Variants in PTPRF observed in about 807,000 individuals in gnomAD.
PTPRF encodes the protein receptor-type tyrosine-protein phosphatase F.
A neutral mutation model predicts 201.8 loss-of-function variants in PTPRF; 59 were observed. That is an observed-to-expected ratio of 0.29 (90% confidence interval 0.24 to 0.36). The LOEUF (loss-of-function observed/expected upper bound fraction) is 0.36, where lower values mean the gene tolerates loss of function less well. Ranked by LOEUF, PTPRF falls within the 10% of genes least tolerant of loss-of-function variation. The probability of loss-of-function intolerance (pLI) is 1.00; values close to 1 mark genes in which losing one functional copy is unlikely to be tolerated. For synonymous variants in PTPRF, 1,088 were observed against 1,089.7 expected, an observed-to-expected ratio of 1.00 and a Z score of 0.03; for missense variants, 2,132 against 2,690.5, an observed-to-expected ratio of 0.79 and a Z score of 4.59.
At chr1:43,569,219 G>GCCCCCCCCCCCCCCCCCCCC (rs11313129) in intron 5 of PTPRF, among the ~76,000 whole-genome samples, 6 of 137,840 alleles carry the variant, frequency 4.4e-5, no homozygotes, top group African/African-American at 1.1e-4. Flanking sequence ...CTCCCTGCTA[G>GCCCCCCCCCCCCCCCCCCCC]CCCCCCCCCC....
chr1:43,604,014 G>C lies in PTPRF; in HGVS notation c.2862G>C (p.Val954=). The part of the protein sequence containing the change: ...RNGRIISYTV[V]FRDINSQQEL... Reference sequence around the variant, plus strand: ...GGCGCATCATCAGCTACACCGTGGTGTTCCGAGACATCAACAGCCAACAGG... The same window carrying C: ...GGCGCATCATCAGCTACACCGTGGTCTTCCGAGACATCAACAGCCAACAGG... The change falls in exon 16 of 34, where the codon GTG becomes GTC. Residue 954 remains valine (V), a synonymous_variant. Coordinates refer to ENST00000359947, the MANE Select transcript of PTPRF (RefSeq NM_002840.5). 6.2e-7 allele frequency: 1 copy of C among 1,614,218 alleles called. No homozygotes were observed. Among genetic ancestry groups the C allele is most frequent in the Non-Finnish European group, 8.5e-7 (1 of 1,180,046 alleles).
At chr1:43,592,376 A>G in intron 10 of PTPRF, 81 bp from the exon 11 acceptor site, 1 of 1,518,770 alleles carries the variant, frequency 6.6e-7, no homozygotes, top group South Asian at 1.3e-5. Flanking sequence ...CAGAGGTGTC[A>G]CATTGCAGCC....
intron 20 of PTPRF, 99 bp downstream of exon 20, chr1:43,606,557 G>C: frequency 8.0e-7 from 1 of 1,254,422 alleles, no homozygotes; most frequent in Non-Finnish European, 1.1e-6. Flanking sequence ...GTCTTTATCA[G>C]TTTGGGGGCT....
intron 13 of PTPRF, among the ~76,000 whole-genome samples, chr1:43,600,206 A>AAC (rs1477580048): frequency 2.6e-5 from 4 of 152,066 alleles, no homozygotes; most frequent in Non-Finnish European, 4.4e-5. Context: ...AGCCTCAGTG[A>AAC]ACACACCTAC....
Position 43,597,736 on chromosome 1 carries a change from TG to T in PTPRF, c.1814-11del. 2.6e-5 allele frequency: 37 copies of T among 1,449,054 alleles called. No homozygotes were observed. The highest frequency in any genetic ancestry group is 2.2e-4 in the Admixed American group (11 of 49,868). 89.8% of individuals were successfully genotyped at this position (1,449,054 alleles called of 1,614,324 possible). On this transcript the variant is annotated splice_polypyrimidine_tract_variant and intron_variant, in intron 11 of 33. Transcript: ENST00000359947. ...TCCATCTGCTTGCTTCCCCCCCATT[TG>T]TCTTCCCCAGCCCCCTCCGCCCCTC...
At chr1:43,549,503 G>A (rs1434195340) in intron 3 of PTPRF, among the ~76,000 whole-genome samples, 1 of 152,228 alleles carries the variant, frequency 6.6e-6, no homozygotes, top group Non-Finnish European at 1.5e-5. Flanking sequence ...GGTCCAAGCT[G>A]TGTGCTCTGC....
chr1:43,525,804 C>CAAAAA (rs1179056466), upstream of PTPRF, among the ~76,000 whole-genome samples: 296 of 35,538 alleles, frequency 8.3e-3, 29 homozygotes, highest in South Asian at 0.046. Context: ...GACTCAGTCT[C>CAAAAA]AAAAAAAAAA....
intron 7 of PTPRF, among the ~76,000 whole-genome samples, chr1:43,582,008 A>T (rs956491941): frequency 6.6e-6 from 1 of 152,120 alleles, no homozygotes; most frequent in Non-Finnish European, 1.5e-5. Context: ...GGGGGAAATT[A>T]CTGATGGCTT....
chr1:43,563,730 G>A (rs1290029512), intron 5 of PTPRF, among the ~76,000 whole-genome samples: 2 of 152,212 alleles, frequency 1.3e-5, no homozygotes, highest in African/African-American at 2.4e-5. Flanking sequence ...GGGCTGAGAA[G>A]TGAGAGGGAG....
At chr1:43,586,929 A>G (rs1649305701) in intron 7 of PTPRF, among the ~76,000 whole-genome samples, 1 of 152,208 alleles carries the variant, frequency 6.6e-6, no homozygotes, top group Non-Finnish European at 1.5e-5. Flanking sequence ...ATGCAGGTAG[A>G]AGTGGTTTCC....
At chr1:43,525,063 G>A (rs1481812332), upstream of PTPRF, 2 of 152,216 alleles carry the variant, frequency 1.3e-5, no homozygotes, top group East Asian at 1.9e-4. Context: ...AGACAGATAT[G>A]ATAAAAAGGC....
chr1:43,609,287 C>T (rs1482089119), intron 21 of PTPRF, 96 bp from the exon 22 acceptor site: 10 of 943,488 alleles, frequency 1.1e-5, no homozygotes, highest in South Asian at 6.1e-5. Flanking sequence ...AGGACAGAGC[C>T]GTGGACATGG....
chr1:43,614,692 A>C (rs1657296897), intron 23 of PTPRF, among the ~76,000 whole-genome samples: 1 of 152,008 alleles, frequency 6.6e-6, no homozygotes, highest in Non-Finnish European at 1.5e-5. Context: ...CTCTACTATA[A>C]ATACAAAAAT....
At chr1:43,536,625 C>G (rs1237934524) in intron 1 of PTPRF, among the ~76,000 whole-genome samples, 1 of 152,246 alleles carries the variant, frequency 6.6e-6, no homozygotes, top group Non-Finnish European at 1.5e-5. Flanking sequence ...CACTTGAATA[C>G]TGTGAGGCCC....
In PTPRF at chr1:43,591,459, G is replaced by A. The variant is rs560219055; in HGVS notation, c.1437G>A (p.Leu479=). ...AGLLTTVGSL[L]PGITYSLRVL... is the part of the protein sequence containing the mutation. ...TCCTCACGACCGTGGGCAGCCTGCT[G>A]CCTGGCATCACCTACAGCCTGCGCG... is the stretch of plus-strand genomic sequence containing the variant. Residue 479 remains leucine (L), a synonymous_variant, in exon 9 of 34, where the codon CTG becomes CTA. Coordinates refer to ENST00000359947, the MANE Select transcript of PTPRF (RefSeq NM_002840.5). The A allele has an allele frequency of 5.0e-6, 8 of 1,595,622 alleles. No individual in the cohort carries two copies. The highest frequency in any genetic ancestry group is 6.8e-6 in the Non-Finnish European group (8 of 1,173,664).
chr1:43,595,975 A>G (rs1048472512), intron 11 of PTPRF, among the ~76,000 whole-genome samples: 5 of 152,114 alleles, frequency 3.3e-5, no homozygotes, highest in South Asian at 2.1e-4. Flanking sequence ...GGACGTGTGC[A>G]TAGGACGCCA....
intron 13 of PTPRF, among the ~76,000 whole-genome samples, chr1:43,601,205 G>A (rs116691604): frequency 3.8e-4 from 58 of 152,328 alleles, no homozygotes; most frequent in African/African-American, 1.3e-3. Context: ...AGGTACTTCC[G>A]GCTTGGAGAC....
Position 43,578,979 on chromosome 1 carries a change from G to C in PTPRF, c.679+59G>C, listed in dbSNP as rs758768269. On this transcript the variant is annotated intron_variant, in intron 7 of 33. Transcript: ENST00000359947. The stretch of plus-strand genomic sequence containing the variant: ...CACAGAGCTGTGCTGCACCTGCCGG[G>C]CTCTCTGCCCAGAGCCCTTGGTGCA... 4 of 1,522,276 alleles carry C rather than the reference G, an allele frequency of 2.6e-6. No individual in the cohort carries two copies. In the East Asian group the frequency reaches 6.8e-5, roughly 26 times the overall value. The allele number at this position is 1,522,276 out of a possible 1,614,324, so 94.3% of individuals were successfully genotyped here. A position where few individuals can be genotyped will look rare whatever the true frequency, so the allele number is the denominator to read the frequency against.
Position 43,605,529 on chromosome 1 carries a change from G to C in PTPRF, c.3390G>C (p.Arg1130Ser). 1 of 1,614,152 alleles carries C rather than the reference G, an allele frequency of 6.2e-7. No individual in the cohort carries two copies. Among genetic ancestry groups the C allele is most frequent in the Non-Finnish European group, 8.5e-7 (1 of 1,180,004 alleles). ...MPHVQDPSLV[R>S]WFYIVVVPID... ...CCTGATTCCTGCCCTGCCCACCCAG[G>C]TGGTTCTACATTGTTGTGGTGCCCA... Residue 1130 changes from arginine to serine, a missense_variant and splice_region_variant, in exon 19 of 34, where the codon AGG (arginine) becomes AGC (serine). Coordinates refer to ENST00000359947, the MANE Select transcript of PTPRF (RefSeq NM_002840.5).
Sources: allele counts gnomAD v4.1 joint callset (sites outside exome capture counted in the v4.1 genomes callset), GRCh38; gene constraint gnomAD v4.1.1; transcripts MANE v1.5; gene names NCBI Gene and HGNC (gene_info 2026-07-23, HGNC 2026-07-21).